The following CRLF1 variants were observed in gnomAD, a reference collection of about 807,000 sequenced individuals.
The protein encoded by CRLF1 is cytokine receptor like factor 1.
A neutral mutation model predicts 48.9 loss-of-function variants in CRLF1; 36 were observed. That is an observed-to-expected ratio of 0.74 (90% CI 0.56 to 0.97). The LOEUF is 0.97. Among genes scored for constraint, CRLF1 ranks in the 50% least tolerant of loss-of-function variants. The probability of loss-of-function intolerance (pLI) is 0.00; values close to 1 mark genes in which losing one functional copy is unlikely to be tolerated. For missense variants in CRLF1, 534 were observed against 575.1 expected, an observed-to-expected ratio of 0.93 and a Z score of 0.73; for synonymous variants, 256 against 253.4, an observed-to-expected ratio of 1.01 and a Z score of -0.10.
At chr19:18,602,345 A>G (rs1287393536) in intron 1 of CRLF1, among the ~76,000 whole-genome samples, 2 of 152,222 alleles carry the variant, frequency 1.3e-5, no homozygotes, top group Admixed American at 1.3e-4. Flanking sequence ...GCGGTGGCTC[A>G]TGCCTGTAAT....
chr19:18,598,303 G>A (rs560322688), intron 4 of CRLF1, 129 bp downstream of exon 4: 32 of 988,346 alleles, frequency 3.2e-5, no homozygotes, highest in African/African-American at 4.9e-5. Context: ...GGGACAACCC[G>A]GGAGTTGCCG....
rs772871567 is a variant in CRLF1, at chr19:18,596,635, G to A, written c.1011C>T (p.Ser337=). 3.1e-6 allele frequency: 5 copies of A among 1,613,884 alleles called. No homozygotes were observed. The highest frequency in any genetic ancestry group is 4.2e-6 in the Non-Finnish European group (5 of 1,179,928). The part of the protein sequence containing the change: ...WSEWSHPTAA[S]TPRSERPGPG... ...GAGGGTGCTCACCACTGCGGGGAGT[G>A]GAGGCGGCTGTGGGGTGGCTCCACT... The change falls in exon 6 of 9, where the codon TCC becomes TCT. Residue 337 remains serine (S), a synonymous_variant. Coordinates refer to ENST00000392386, the MANE Select transcript of CRLF1 (RefSeq NM_004750.5).
intron 5 of CRLF1, 31 bp from the exon 6 acceptor site, chr19:18,596,821 G>A (rs1021454872): frequency 6.2e-7 from 1 of 1,613,238 alleles, no homozygotes; most frequent in Non-Finnish European, 8.5e-7. Context: ...CAGAGTAGAG[G>A]GCGGGGCCTA....
intron 6 of CRLF1, among the ~76,000 whole-genome samples, 172 bp from the exon 7 acceptor site, chr19:18,594,606 C>G (rs1209770868): frequency 6.6e-6 from 1 of 151,858 alleles, no homozygotes; most frequent in African/African-American, 2.4e-5. Flanking sequence ...AGCTGCGCCC[C>G]TGGCCCGGCT....
At chr19:18,601,771 G>A (rs753724826) in intron 1 of CRLF1, among the ~76,000 whole-genome samples, 14 of 152,022 alleles carry the variant, frequency 9.2e-5, no homozygotes, top group African/African-American at 1.7e-4. Context: ...ACATTTTCTC[G>A]GCCAATCCTG....
intron 7 of CRLF1, 61 bp from the exon 8 acceptor site, chr19:18,594,168 T>A: frequency 6.3e-7 from 1 of 1,597,232 alleles, no homozygotes; most frequent in Non-Finnish European, 8.5e-7. Flanking sequence ...CACAGCCTGC[T>A]GTCTTCCCCC....
chr19:18,599,499 G>A, intron 2 of CRLF1, 66 bp downstream of exon 2: 1 of 1,601,924 alleles, frequency 6.2e-7, no homozygotes, highest in Non-Finnish European at 8.5e-7. Context: ...CACAATTCAT[G>A]CCTCACTCCA....
chr19:18,604,293 G>A (rs1418561638), intron 1 of CRLF1, among the ~76,000 whole-genome samples: 1 of 152,166 alleles, frequency 6.6e-6, no homozygotes, highest in African/African-American at 2.4e-5. Context: ...CGGGTTGTAG[G>A]GGGAAGGCAA....
At chr19:18,599,438 C>A in intron 2 of CRLF1, 127 bp downstream of exon 2, 1 of 1,358,884 alleles carries the variant, frequency 7.4e-7, no homozygotes, top group Non-Finnish European at 1.0e-6. Flanking sequence ...ACCTGAAAGA[C>A]CTGCATAGCC....
intron 6 of CRLF1, 26 bp from the exon 7 acceptor site, chr19:18,594,460 CAG>C: frequency 7.5e-7 from 1 of 1,330,292 alleles, no homozygotes; most frequent in Non-Finnish European, 9.6e-7. Context: ...GCGGCAGTGT[CAG>C]AGCGCGCCCG....
rs1189166169 is a variant in CRLF1, at chr19:18,598,474, A to G, written c.655T>C (p.Ser219Pro). ...IWVEATNRLGSARSDVLTLDI... is the reference protein window; with the variant it reads ...IWVEATNRLGPARSDVLTLDI... ...AGCGTGAGTACATCGGAGCGGGCAG[A>G]GCCCAGGCGGTTGGTGGCCTCCACC... is the stretch of plus-strand genomic sequence containing the variant. Residue 219 changes from serine (S) to proline (P), a missense_variant, in exon 4 of 9, where the codon TCT becomes CCT. Physicochemically the swap from Ser to Pro is moderately conservative, Grantham distance 74 (BLOSUM62 -1). Around this residue, in one of 2 missense-constraint regions of CRLF1, gnomAD observed 528 missense variants for 555.7 expected, o/e 0.95. Transcript: ENST00000392386. 3.7e-6 allele frequency: 6 copies of G among 1,614,006 alleles called. No individual in the cohort carries two copies. Among genetic ancestry groups the G allele is most frequent in the Non-Finnish European group, 4.2e-6 (5 of 1,180,018 alleles).
chr19:18,597,082 G>C (rs1400988749), intron 4 of CRLF1, 33 bp from the exon 5 acceptor site: 1 of 1,600,960 alleles, frequency 6.2e-7, no homozygotes, highest in Non-Finnish European at 8.5e-7. Context: ...TCTCAGCCTG[G>C]GACTGTCTGG....
chr19:18,593,688 T>G, intron 8 of CRLF1, 109 bp from the exon 9 acceptor site: 1 of 1,543,408 alleles, frequency 6.5e-7, no homozygotes, highest in South Asian at 1.2e-5. Flanking sequence ...CTTCTGGCTG[T>G]GTGACTTTGG....
rs1600659384 is a variant in CRLF1, at chr19:18,606,651, G to A, written c.6C>T (p.Pro2=). The change falls in exon 1 of 9, where the codon CCC becomes CCT. Residue 2 remains proline, a synonymous_variant. Coordinates refer to ENST00000392386, the MANE Select transcript of CRLF1 (RefSeq NM_004750.5). The surrounding 1 kb of genome is among the most constrained non-coding windows in gnomAD (Gnocchi z 4.8). The part of the protein sequence containing the change: M[P]AGRRGPAAQS... ...GGGCGGCGGGGCCCCGGCGGCCGGCGGGCATGGGGCCGGCGCTGCCGGGGG... is the reference window on the plus strand; with the variant it reads ...GGGCGGCGGGGCCCCGGCGGCCGGCAGGCATGGGGCCGGCGCTGCCGGGGG... 2 of 812,690 alleles carry A rather than the reference G, an allele frequency of 2.5e-6. No homozygotes were observed. The highest frequency in any genetic ancestry group is 3.0e-6 in the Non-Finnish European group (2 of 674,084). 50.3% of individuals were successfully genotyped at this position (812,690 alleles called of 1,614,324 possible).
At chr19:18,594,032 T>TGGGGCA in intron 8 of CRLF1, 33 bp downstream of exon 8, 3 of 695,808 alleles carry the variant, frequency 4.3e-6, no homozygotes, top group Non-Finnish European at 6.6e-6. Context: ...CTCCCCTTGC[T>TGGGGCA]CCCTCCCGCC....
rs1450752899 is a variant in CRLF1 at position 18,593,879 on chromosome 19, G to A, written c.1255+186C>T. ...GGCATTGAATGTTCTTAGGCTAAAGGAGACAATGCCAGTTATACAGTAAGT... is the reference window on the plus strand; with the variant it reads ...GGCATTGAATGTTCTTAGGCTAAAGAAGACAATGCCAGTTATACAGTAAGT... On this transcript the variant is annotated intron_variant, in intron 8 of 8. Transcript: ENST00000392386. 7 of 984,234 alleles carry A rather than the reference G, an allele frequency of 7.1e-6. No homozygotes were observed. The South Asian group carries it at 2.3e-4, about 33-fold the overall frequency. 61.0% of individuals were successfully genotyped at this position (984,234 alleles called of 1,614,324 possible).
At chr19:18,597,451 A>C in intron 4 of CRLF1, among the ~76,000 whole-genome samples, 1 of 18,160 alleles carries the variant, frequency 5.5e-5, no homozygotes, top group Admixed American at 4.5e-4. Context: ...TTTTTTTGAG[A>C]CGGAGTCTCG....
intron 1 of CRLF1, among the ~76,000 whole-genome samples, chr19:18,600,751 G>A (rs534775203): frequency 3.9e-5 from 6 of 152,088 alleles, no homozygotes; most frequent in Admixed American, 1.3e-4. Flanking sequence ...CACCTCCCTC[G>A]GCCTCTCAAA....
intron 1 of CRLF1, among the ~76,000 whole-genome samples, chr19:18,601,317 C>A (rs1264409056): frequency 2.7e-5 from 4 of 150,748 alleles, no homozygotes; most frequent in Middle Eastern, 3.2e-3. Context: ...GCTCTTGTTG[C>A]CCAGGCTGGA....
Sources: gnomAD v4.1 joint callset for allele counts (sites outside exome capture counted in the v4.1 genomes callset) on GRCh38, gnomAD v4.1.1 for gene constraint, gnomAD v4.1.1 regional missense constraint, Gnocchi (gnomAD v3.1) non-coding constraint, MANE v1.5 for transcripts, NCBI Gene and HGNC (gene_info 2026-07-23, HGNC 2026-07-21) for gene names.